ATP9B: variants seen among roughly 807,000 people sequenced by gnomAD.
ATP9B encodes ATPase phospholipid transporting 9B, also known as probable phospholipid-transporting ATPase IIB.
In ATP9B, 110 loss-of-function variants were observed where a neutral mutation model predicts 146.1. The ratio of observed to expected loss-of-function variants is 0.75; its 90% CI spans 0.65 to 0.88. The LOEUF is 0.88. Among genes scored for constraint, ATP9B ranks in the 40% least tolerant of loss-of-function variants. The probability of loss-of-function intolerance (pLI) is 0.00; values close to 1 mark genes in which losing one functional copy is unlikely to be tolerated. For synonymous variants in ATP9B, 604 were observed against 569.7 expected (o/e 1.06, Z -0.86); for missense variants, 1,499 against 1,496.4 (o/e 1.00, Z -0.03).
At chr18:79,160,971 C>T (rs76485557) in intron 7 of ATP9B, among the ~76,000 whole-genome samples, 5 of 152,030 alleles carry the variant, frequency 3.3e-5, no homozygotes, top group African/African-American at 9.7e-5. Context: ...GGTTTTACCA[C>T]GTTGGCCAGG....
At chr18:79,206,271 G>T (rs2095532743) in intron 9 of ATP9B, among the ~76,000 whole-genome samples, 1 of 152,154 alleles carries the variant, frequency 6.6e-6, no homozygotes, top group Non-Finnish European at 1.5e-5. Flanking sequence ...AGGAATTTAA[G>T]AGAAATACAT....
intron 15 of ATP9B, among the ~76,000 whole-genome samples, chr18:79,321,291 T>TTGAG (rs2096714480): frequency 6.6e-6 from 1 of 152,224 alleles, no homozygotes; most frequent in South Asian, 2.1e-4. Flanking sequence ...GCGTGAAGTA[T>TTGAG]TGAGTACTTA....
intron 2 of ATP9B, among the ~76,000 whole-genome samples, chr18:79,097,774 CATT>C (rs948204222): frequency 1.4e-5 from 2 of 144,882 alleles, no homozygotes; most frequent in South Asian, 2.2e-4. Flanking sequence ...TCCAGTCTAT[CATT>C]GTTGGACATT....
At chr18:79,128,666 A>G (rs2094328450) in intron 5 of ATP9B, among the ~76,000 whole-genome samples, 1 of 152,178 alleles carries the variant, frequency 6.6e-6, no homozygotes, top group Non-Finnish European at 1.5e-5. Context: ...AATTGTTGTA[A>G]TGGAGGGGCT....
chr18:79,180,888 G>A (rs928269875), intron 8 of ATP9B, among the ~76,000 whole-genome samples: 3 of 151,718 alleles, frequency 2.0e-5, no homozygotes, highest in Non-Finnish European at 2.9e-5. Flanking sequence ...CACCTCCTGG[G>A]TTTAAGCAAT....
chr18:79,360,163 G>A (rs1034149047), intron 26 of ATP9B: 2 of 152,274 alleles, frequency 1.3e-5, no homozygotes, highest in African/African-American at 2.4e-5. Context: ...GTAAGGATAC[G>A]GGGTAGAAGA....
At chr18:79,291,565 G>C (rs758528890) in intron 13 of ATP9B, among the ~76,000 whole-genome samples, 1 of 152,176 alleles carries the variant, frequency 6.6e-6, no homozygotes, top group African/African-American at 2.4e-5. Context: ...AAGAAAGTAC[G>C]TGTGCCACTC....
intron 1 of ATP9B, among the ~76,000 whole-genome samples, chr18:79,071,399 C>CTTTTTTTTTTTTTTTTTT (rs56119715): frequency 0.024 from 1,661 of 69,174 alleles, 429 homozygotes; most frequent in Non-Finnish European, 0.038. Flanking sequence ...ATTGTTCTTC[C>CTTTTTTTTTTTTTTTTTT]TTTTTTTTTT....
chr18:79,175,618 C>T (rs1280103544), intron 7 of ATP9B, among the ~76,000 whole-genome samples: 1 of 152,224 alleles, frequency 6.6e-6, no homozygotes, highest in Non-Finnish European at 1.5e-5. Flanking sequence ...CACTTGTGTG[C>T]ACACAGATAT....
At chr18:79,340,210 A>C (rs1253715214) in intron 19 of ATP9B, 1 of 152,244 alleles carries the variant, frequency 6.6e-6, no homozygotes, top group African/African-American at 2.4e-5. Context: ...AAAGTAGTGA[A>C]TATCCCTTGC....
rs1476417392 is a variant in ATP9B, at chr18:79,239,348, C to T, written c.1108-14033C>T. 3.3e-5 allele frequency among the ~76,000 whole-genome samples: 5 copies of T among 152,172 alleles called. No homozygotes were observed. The highest frequency in any genetic ancestry group is 1.2e-4 in the African/African-American group (5 of 41,444). ...CCAAAACAGAGAGGTTGGGAATTTA[C>T]AACAAACCAAATTAAATGATGGTGT... is the stretch of plus-strand genomic sequence containing the variant. On this transcript the variant is annotated intron_variant, in intron 11 of 29. Coordinates refer to ENST00000426216, the MANE Select transcript of ATP9B (RefSeq NM_198531.5). This position sits in a 1 kb window ranked among gnomAD's most constrained non-coding sequence, Gnocchi z 5.1.
chr18:79,203,236 G>T (rs964646661), intron 9 of ATP9B, among the ~76,000 whole-genome samples: 1 of 151,064 alleles, frequency 6.6e-6, no homozygotes, highest in Non-Finnish European at 1.5e-5. Flanking sequence ...GGAGGAGCAG[G>T]TACCTGATGA....
At position 79,375,098 on chromosome 18, in the gene ATP9B, G is replaced by T. The variant is rs558789077; in HGVS notation, c.3275-296G>T. Among the ~76,000 whole-genome samples the T allele has an allele frequency of 3.9e-5, 6 of 152,312 alleles. No homozygotes were observed. The South Asian group carries it at 1.2e-3, about 32-fold the overall frequency. On this transcript the variant is annotated intron_variant, in intron 28 of 29. Transcript: ENST00000426216. Reference sequence around the variant, plus strand: ...CAGAACATGGCCAGCCCTCCAGCGCGTGCGCCTTCTGTGCTGAGCTCCTCT... The same window carrying T: ...CAGAACATGGCCAGCCCTCCAGCGCTTGCGCCTTCTGTGCTGAGCTCCTCT...
rs866248442 is a variant in ATP9B, at chr18:79,328,071, C to T, written c.1774-1070C>T. Among the ~76,000 whole-genome samples, 772 of 135,516 alleles carry T rather than the reference C, an allele frequency of 5.7e-3. 13 individuals are homozygous for T. The highest frequency in any genetic ancestry group is 0.02 in the African/African-American group (664 of 33,936). The allele number at this position is 135,516 out of a possible 152,430, so 88.9% of individuals were successfully genotyped here. On this transcript the variant is annotated intron_variant, in intron 15 of 29. Coordinates refer to ENST00000426216, the MANE Select transcript of ATP9B (RefSeq NM_198531.5). ...TGCTCTCTCTGGTTAGCGTGCTCTC[C>T]GTGGTTAGCGTGCTCTCTGTGGTTA... is the stretch of plus-strand genomic sequence containing the variant.
intron 25 of ATP9B, among the ~76,000 whole-genome samples, chr18:79,350,808 G>A (rs1217485584): frequency 2.8e-5 from 4 of 144,446 alleles, no homozygotes; most frequent in African/African-American, 5.2e-5. Flanking sequence ...TTGCTGTGTC[G>A]CCCAGGCTGG....
intron 7 of ATP9B, 44 bp from the exon 8 acceptor site, chr18:79,176,769 T>C (rs1297703360): frequency 1.3e-6 from 2 of 1,544,196 alleles, no homozygotes; most frequent in Non-Finnish European, 8.9e-7. Flanking sequence ...AAAAACCTTC[T>C]GTAACAATTC....
At chr18:79,371,945 G>A (rs1252817949) in intron 26 of ATP9B, among the ~76,000 whole-genome samples, 3 of 152,226 alleles carry the variant, frequency 2.0e-5, no homozygotes, top group Admixed American at 6.5e-5. Context: ...AACTTCTCGA[G>A]TCTCCTCGTC....
chr18:79,318,286 G>A (rs766518145), intron 15 of ATP9B, among the ~76,000 whole-genome samples: 1 of 152,240 alleles, frequency 6.6e-6, no homozygotes, highest in Non-Finnish European at 1.5e-5. Context: ...CCTCAGTCAG[G>A]TGAGTAGGGT....
chr18:79,212,726 G>A (rs1384973826), intron 10 of ATP9B, among the ~76,000 whole-genome samples: 1 of 152,126 alleles, frequency 6.6e-6, no homozygotes, highest in African/African-American at 2.4e-5. Context: ...TCTCTGCGTA[G>A]TAAGTATAGT....
Sources: gnomAD v4.1 joint callset for allele counts (sites outside exome capture counted in the v4.1 genomes callset) on GRCh38, gnomAD v4.1.1 for gene constraint, Gnocchi (gnomAD v3.1) non-coding constraint, MANE v1.5 for transcripts, NCBI Gene and HGNC (gene_info 2026-07-23, HGNC 2026-07-21) for gene names.